The following DDA1 variants were observed in gnomAD, a reference collection of about 807,000 sequenced individuals.
DDA1 encodes DET1- and DDB1-associated protein 1.
Under a neutral mutation model 18.6 loss-of-function variants are expected in DDA1, and 3 were observed. That is an observed-to-expected ratio of 0.16 (90% CI 0.07 to 0.42). The LOEUF is 0.42. Ranked by LOEUF, DDA1 falls within the 10% of genes least tolerant of loss-of-function variation. The pLI, the probability that DDA1 is intolerant of heterozygous loss-of-function variation, is 0.99. For synonymous variants in DDA1, 52 were observed against 54.0 expected (o/e 0.96, Z 0.17); for missense variants, 105 against 138.2 (o/e 0.76, Z 1.20).
intron 1 of DDA1, among the ~76,000 whole-genome samples, chr19:17,312,830 C>T (rs2074185327): frequency 6.6e-6 from 1 of 151,476 alleles, no homozygotes. Flanking sequence ...TGAGCTGAGG[C>T]TGGCATCCTA....
chr19:17,319,344 C>T (rs1220439439), intron 4 of DDA1, among the ~76,000 whole-genome samples: 2 of 152,234 alleles, frequency 1.3e-5, no homozygotes, highest in African/African-American at 4.8e-5. Flanking sequence ...GGGAGCTTCA[C>T]CCACGTGAAG....
Position 17,319,918 on chromosome 19 carries a change from A to C in DDA1, c.*262A>C. 1 of 399,888 alleles carries C rather than the reference A, an allele frequency of 2.5e-6. No individual in the cohort carries two copies. The highest frequency in any genetic ancestry group is 4.5e-6 in the Non-Finnish European group (1 of 221,368). The allele number at this position is 399,888 out of a possible 1,614,324, so 24.8% of individuals were successfully genotyped here. Reference sequence around the variant, plus strand: ...TGGTAGATGCTTTTTAAAAAAAACAACATTGTCCCCCCGACCCCCGCCTTC... The same window carrying C: ...TGGTAGATGCTTTTTAAAAAAAACACCATTGTCCCCCCGACCCCCGCCTTC... On this transcript the variant is annotated 3_prime_UTR_variant, in exon 5 of 5. Coordinates refer to ENST00000359866, the MANE Select transcript of DDA1 (RefSeq NM_024050.6).
At chr19:17,317,283 G>A (rs2074218339) in intron 4 of DDA1, among the ~76,000 whole-genome samples, 1 of 152,132 alleles carries the variant, frequency 6.6e-6, no homozygotes, top group Non-Finnish European at 1.5e-5. Flanking sequence ...GCCGAGTCAG[G>A]CAGACCATGA....
At chr19:17,317,234 G>T (rs2145676984) in intron 4 of DDA1, among the ~76,000 whole-genome samples, 1 of 151,710 alleles carries the variant, frequency 6.6e-6, no homozygotes, top group East Asian at 2.0e-4. Flanking sequence ...TCTATACCGG[G>T]CGCGGTGGCT....
intron 1 of DDA1, 81 bp downstream of exon 1, chr19:17,309,738 T>A: frequency 1.3e-6 from 2 of 1,537,190 alleles, no homozygotes; most frequent in Non-Finnish European, 1.8e-6. Context: ...AGTATCCCCC[T>A]AGGCCCCTCT....
Position 17,319,641 on chromosome 19 carries a change from G to A in DDA1, c.294G>A (p.Met98Ile), listed in dbSNP as rs960203297. The change falls in exon 5 of 5, where the codon ATG (methionine) becomes ATA (isoleucine). Residue 98 changes from methionine to isoleucine, a missense_variant. Met to Ile is a conservative substitution (Grantham distance 10). This residue lies in a region of DDA1 where 62 missense variants were observed against 55.8 expected (regional missense o/e 1.11). Transcript: ENST00000359866. ...TGGCGCGGACCGACAGCCCAGACAT[G>A]CACGAGGACACTTAAGACTCTCAAC... ...RKVARTDSPD[M>I]HEDT The A allele has an allele frequency of 1.3e-6, 2 of 1,571,714 alleles. No individual in the cohort carries two copies. The highest frequency in any genetic ancestry group is 1.7e-6 in the Non-Finnish European group (2 of 1,158,478).
intron 3 of DDA1, among the ~76,000 whole-genome samples, chr19:17,315,034 C>T (rs1437531121): frequency 6.6e-6 from 1 of 150,676 alleles, no homozygotes; most frequent in South Asian, 2.1e-4. Flanking sequence ...GCCAGGAGTT[C>T]GAGACCAGCC....
At chr19:17,311,234 C>T (rs1248749890) in intron 1 of DDA1, among the ~76,000 whole-genome samples, 1 of 151,334 alleles carries the variant, frequency 6.6e-6, no homozygotes, top group Non-Finnish European at 1.5e-5. Flanking sequence ...GGCATGATCT[C>T]GGCTCACTGG....
rs1245092880 is a variant in DDA1 at position 17,315,214 on chromosome 19, TACAC to T, written c.137-715_137-712del. 1.2e-4 allele frequency among the ~76,000 whole-genome samples: 3 copies of T among 24,954 alleles called. 1 individual carries two copies. Among genetic ancestry groups the T allele is most frequent in the Non-Finnish European group, 2.4e-4 (2 of 8,368 alleles). The allele number at this position is 24,954 out of a possible 152,430, so 16.4% of individuals were successfully genotyped here. A position where few individuals can be genotyped will look rare whatever the true frequency, so the allele number is the denominator to read the frequency against. On this transcript the variant is annotated intron_variant, in intron 3 of 4. Coordinates refer to ENST00000359866, the MANE Select transcript of DDA1 (RefSeq NM_024050.6). Reference sequence around the variant, plus strand: ...ACACACGTGTATACACACGTGTATATACACACACGTGTATACACACACACGTGTA... The same window carrying T: ...ACACACGTGTATACACACGTGTATATACACGTGTATACACACACACGTGTA...
At chr19:17,310,686 G>A (rs2074174895) in intron 1 of DDA1, among the ~76,000 whole-genome samples, 1 of 152,202 alleles carries the variant, frequency 6.6e-6, no homozygotes, top group Non-Finnish European at 1.5e-5. Context: ...TTTCAGGAAG[G>A]AAATGGGAAG....
chr19:17,319,653 T>G lies in DDA1; in HGVS notation c.306T>G (p.Thr102=). ...ACAGCCCAGACATGCACGAGGACACTTAAGACTCTCAACTCCACAGGCGCC... is the reference window on the plus strand; with the variant it reads ...ACAGCCCAGACATGCACGAGGACACGTAAGACTCTCAACTCCACAGGCGCC... ...RTDSPDMHED[T] The change falls in exon 5 of 5, where the codon ACT becomes ACG. Residue 102 remains threonine (T), a synonymous_variant. Transcript: ENST00000359866. 6.4e-7 allele frequency: 1 copy of G among 1,565,724 alleles called. No homozygotes were observed. Among genetic ancestry groups the G allele is most frequent in the Non-Finnish European group, 8.7e-7 (1 of 1,155,096 alleles).
At chr19:17,312,852 G>A (rs1446151311) in intron 1 of DDA1, among the ~76,000 whole-genome samples, 1 of 152,098 alleles carries the variant, frequency 6.6e-6, no homozygotes, top group Non-Finnish European at 1.5e-5. Flanking sequence ...GGTGGGAGGG[G>A]AGGCAGGTTT....
intron 4 of DDA1, among the ~76,000 whole-genome samples, chr19:17,319,011 G>T (rs193178312): frequency 2.4e-4 from 37 of 152,196 alleles, no homozygotes; most frequent in African/African-American, 8.4e-4. Context: ...GGAAGGAGGC[G>T]TGTGCTTCTG....
rs1599540362 is a variant in DDA1, at chr19:17,322,517, C to T, written c.*2861C>T. 1 of 152,558 alleles carries T rather than the reference C, an allele frequency of 6.6e-6. No individual in the cohort carries two copies. The highest frequency in any genetic ancestry group is 1.5e-5 in the Non-Finnish European group (1 of 68,298). The allele number at this position is 152,558 out of a possible 1,614,324, so 9.5% of individuals were successfully genotyped here. A position where few individuals can be genotyped will look rare whatever the true frequency, so the allele number is the denominator to read the frequency against. ...TTCTCCACAGCCTCCCAAAGGGCCC[C>T]TTGCTCACACTGGCCCAGCCCTGCA... is the stretch of plus-strand genomic sequence containing the variant. On this transcript the variant is annotated 3_prime_UTR_variant, in exon 5 of 5. Coordinates refer to ENST00000359866, the MANE Select transcript of DDA1 (RefSeq NM_024050.6).
At chr19:17,315,664 G>T in intron 3 of DDA1, 1 of 526,472 alleles carries the variant, frequency 1.9e-6, no homozygotes, top group East Asian at 3.3e-5. Flanking sequence ...AGTCAGCCTG[G>T]GAGAAACATA....
intron 1 of DDA1, among the ~76,000 whole-genome samples, chr19:17,311,401 C>G (rs1023635906): frequency 6.6e-6 from 1 of 151,820 alleles, no homozygotes; most frequent in Middle Eastern, 3.2e-3. Flanking sequence ...GTGATCCACC[C>G]GCTTCGGACT....
At chr19:17,316,022 G>T (rs374620391) in intron 4 of DDA1, 27 bp downstream of exon 4, 62 of 1,613,244 alleles carry the variant, frequency 3.8e-5, no homozygotes, top group Non-Finnish European at 5.1e-5. Flanking sequence ...TCTGGTGCAG[G>T]GATTGTGGGT....
rs975554987 is a variant in DDA1, at chr19:17,321,336, T to G, written c.*1680T>G. 1 of 152,234 alleles carries G rather than the reference T, an allele frequency of 6.6e-6. No homozygotes were observed. The highest frequency in any genetic ancestry group is 1.5e-5 in the Non-Finnish European group (1 of 68,070). The allele number at this position is 152,234 out of a possible 1,614,324, so 9.4% of individuals were successfully genotyped here. ...TAGTGGAGACGGCGTTTTGTCATGT[T>G]GGCCAGGCTGGTCTCGAACTCCTGA... On this transcript the variant is annotated 3_prime_UTR_variant, in exon 5 of 5. Coordinates refer to ENST00000359866, the MANE Select transcript of DDA1 (RefSeq NM_024050.6).
At position 17,320,881 on chromosome 19, in the gene DDA1, G is replaced by T. The variant is rs565901529; in HGVS notation, c.*1225G>T. 1 of 152,436 alleles carries T rather than the reference G, an allele frequency of 6.6e-6. No homozygotes were observed. The highest frequency in any genetic ancestry group is 2.4e-5 in the African/African-American group (1 of 41,584). 9.4% of individuals were successfully genotyped at this position (152,436 alleles called of 1,614,324 possible). A position where few individuals can be genotyped will look rare whatever the true frequency, so the allele number is the denominator to read the frequency against. ...TGTTCGGGCTCTGGGCAGAAGGTTTGTGGCCCTGACCACTGAGCCTGGGGC... is the reference window on the plus strand; with the variant it reads ...TGTTCGGGCTCTGGGCAGAAGGTTTTTGGCCCTGACCACTGAGCCTGGGGC... On this transcript the variant is annotated 3_prime_UTR_variant, in exon 5 of 5. Transcript: ENST00000359866.
Sources: allele counts gnomAD v4.1 joint callset (sites outside exome capture counted in the v4.1 genomes callset), GRCh38; gene constraint gnomAD v4.1.1; regional missense constraint gnomAD v4.1.1; transcripts MANE v1.5; gene names NCBI Gene and HGNC (gene_info 2026-07-23, HGNC 2026-07-21).